CHN2: variants seen among roughly 807,000 people sequenced by gnomAD.
The protein encoded by CHN2 is beta-chimaerin.
CHN2 carries 35 observed loss-of-function variants against 56.3 expected under a neutral mutation model. The observed-to-expected ratio is 0.62, with a 90% CI of 0.47 to 0.82. The LOEUF (loss-of-function observed/expected upper bound fraction) is 0.82. Ranked by LOEUF, CHN2 falls within the 40% of genes least tolerant of loss-of-function variation. The pLI is 0.00. For missense variants in CHN2, 491 were observed against 580.5 expected (o/e 0.85, Z 1.58); for synonymous variants, 210 against 212.8 (o/e 0.99, Z 0.12).
intron 2 of CHN2, 78 bp downstream of exon 2, chr7:29,354,741 G>C: frequency 7.7e-7 from 1 of 1,295,762 alleles, no homozygotes. Context: ...CAGCGATGTA[G>C]TGCACACAAG....
At chr7:29,157,239 G>T (rs1174339186) in intron 2 of CHN2, among the ~76,000 whole-genome samples, 2 of 152,122 alleles carry the variant, frequency 1.3e-5, no homozygotes, top group African/African-American at 4.8e-5. Flanking sequence ...AGGAAAAAAA[G>T]AATGAGATGC....
chr7:29,393,172 A>G (rs913518053), intron 3 of CHN2, among the ~76,000 whole-genome samples: 10 of 152,254 alleles, frequency 6.6e-5, no homozygotes, highest in Non-Finnish European at 1.5e-5. Flanking sequence ...ATTTCAGCCC[A>G]TTAGCCACAT....
At chr7:29,408,562 A>T (rs984248815) in intron 6 of CHN2, among the ~76,000 whole-genome samples, 6 of 152,136 alleles carry the variant, frequency 3.9e-5, no homozygotes, top group Non-Finnish European at 8.8e-5. Context: ...GGCTACAGTT[A>T]CCTGTGCTGG....
At chr7:29,488,739 GATTT>G (rs1367570112) in intron 7 of CHN2, among the ~76,000 whole-genome samples, 1 of 151,824 alleles carries the variant, frequency 6.6e-6, no homozygotes, top group Non-Finnish European at 1.5e-5. Context: ...AGATATTTGT[GATTT>G]GTCCCAGCTG....
At chr7:29,406,720 G>A (rs1802683159) in intron 6 of CHN2, among the ~76,000 whole-genome samples, 1 of 152,184 alleles carries the variant, frequency 6.6e-6, no homozygotes, top group South Asian at 2.1e-4. Context: ...GTTCCCAGGA[G>A]CCACTGTGTG....
chr7:29,186,253 C>CA (rs70980510), intron 2 of CHN2, among the ~76,000 whole-genome samples: 17,468 of 146,114 alleles, frequency 0.12, 1,141 homozygotes, highest in African/African-American at 0.17. Context: ...ATGTTTTAGG[C>CA]AAAAAAAAAA....
intron 6 of CHN2, among the ~76,000 whole-genome samples, chr7:29,444,582 A>G (rs1019078226): frequency 6.6e-6 from 1 of 152,196 alleles, no homozygotes; most frequent in African/African-American, 2.4e-5. Context: ...CAGCAGTTCA[A>G]CTTCTCTACA....
At chr7:29,282,870 C>T (rs34509717) in intron 1 of CHN2, among the ~76,000 whole-genome samples, 30,386 of 151,348 alleles carry the variant, frequency 0.2, 3,641 homozygotes, top group Middle Eastern at 0.27. Flanking sequence ...AAATAGGAAT[C>T]GTGAAAGAAG....
intron 6 of CHN2, among the ~76,000 whole-genome samples, chr7:29,437,141 A>G (rs1422223881): frequency 6.6e-6 from 1 of 152,118 alleles, no homozygotes; most frequent in African/African-American, 2.4e-5. Context: ...TAAATTTTTC[A>G]GTATTTTATT....
intron 6 of CHN2, among the ~76,000 whole-genome samples, chr7:29,445,484 G>A (rs1585417287): frequency 6.6e-6 from 1 of 152,234 alleles, no homozygotes; most frequent in East Asian, 1.9e-4. Context: ...TGTCCTTAAA[G>A]CATAATAGTA....
chr7:29,510,430 C>A (rs1012955513), intron 12 of CHN2, among the ~76,000 whole-genome samples: 1 of 152,102 alleles, frequency 6.6e-6, no homozygotes, highest in East Asian at 1.9e-4. Context: ...CAGAATGAGA[C>A]GCTGTCTCAA....
At chr7:29,363,870 A>G (rs748021084) in intron 2 of CHN2, among the ~76,000 whole-genome samples, 45 of 152,268 alleles carry the variant, frequency 3.0e-4, no homozygotes, top group Admixed American at 1.2e-3. Flanking sequence ...GCCCTGAGGC[A>G]TGGGAGATAT....
At chr7:29,339,263 T>A (rs1038205337) in intron 1 of CHN2, among the ~76,000 whole-genome samples, 1 of 152,210 alleles carries the variant, frequency 6.6e-6, no homozygotes, top group East Asian at 1.9e-4. Context: ...TACTTTTTTT[T>A]AATGTAAATT....
chr7:29,427,025 C>G (rs1042682200), intron 6 of CHN2, among the ~76,000 whole-genome samples: 1 of 152,186 alleles, frequency 6.6e-6, no homozygotes, highest in African/African-American at 2.4e-5. Context: ...ATAAAGGATT[C>G]ATGATTATCT....
At chr7:29,284,877 T>C (rs997306346) in intron 1 of CHN2, among the ~76,000 whole-genome samples, 4 of 152,236 alleles carry the variant, frequency 2.6e-5, no homozygotes, top group Non-Finnish European at 5.9e-5. Flanking sequence ...GCTGCAGAGC[T>C]CACATGCATC....
chr7:29,474,892 G>A (rs1420787589), intron 6 of CHN2, among the ~76,000 whole-genome samples: 1 of 152,220 alleles, frequency 6.6e-6, no homozygotes, highest in Non-Finnish European at 1.5e-5. Flanking sequence ...AGGTGGTCCT[G>A]ACTGAAGCCA....
At chr7:29,287,128 C>G (rs1792210853) in intron 1 of CHN2, among the ~76,000 whole-genome samples, 1 of 152,160 alleles carries the variant, frequency 6.6e-6, no homozygotes, top group South Asian at 2.1e-4. Context: ...TCTGGCCAAT[C>G]AGAACCTTAT....
chr7:29,386,523 G>A (rs1485068468), intron 3 of CHN2, among the ~76,000 whole-genome samples: 1 of 152,198 alleles, frequency 6.6e-6, no homozygotes, highest in African/African-American at 2.4e-5. Flanking sequence ...GTTTACAGAG[G>A]ACTCACAATA....
At chr7:29,492,036 T>G (rs890753761) in intron 7 of CHN2, among the ~76,000 whole-genome samples, 1 of 152,220 alleles carries the variant, frequency 6.6e-6, no homozygotes, top group African/African-American at 2.4e-5. Context: ...CTGAAGTATA[T>G]CCTTTAGTAT....
Sources: allele counts gnomAD v4.1 joint callset (sites outside exome capture counted in the v4.1 genomes callset), GRCh38; gene constraint gnomAD v4.1.1; transcripts MANE v1.5; gene names NCBI Gene and HGNC (gene_info 2026-07-23, HGNC 2026-07-21).